The following DLG2 variants were observed in gnomAD, a reference collection of about 807,000 sequenced individuals.
DLG2 encodes the protein discs large MAGUK scaffold protein 2, also known as disks large homolog 2.
DLG2 carries 45 observed loss-of-function variants against 132.5 expected under a neutral mutation model. The observed-to-expected ratio is 0.34, with a 90% CI of 0.27 to 0.44. The LOEUF (loss-of-function observed/expected upper bound fraction) is 0.44, where lower values mean the gene tolerates loss of function less well. Ranked by LOEUF, DLG2 falls within the 20% of genes least tolerant of loss-of-function variation. The pLI, the probability that DLG2 is intolerant of heterozygous loss-of-function variation, is 1.00. For synonymous variants in DLG2, 424 were observed against 419.6 expected (o/e 1.01, Z -0.13); for missense variants, 1,045 against 1,196.9 (o/e 0.87, Z 1.87).
At chr11:84,662,096 G>C (rs574064509) in intron 6 of DLG2, among the ~76,000 whole-genome samples, 1 of 152,100 alleles carries the variant, frequency 6.6e-6, no homozygotes, top group South Asian at 2.1e-4. Context: ...GAAGTAGAGG[G>C]CCAGCTCCTC....
intron 4 of DLG2, among the ~76,000 whole-genome samples, chr11:85,184,339 G>C (rs1050340433): frequency 4.0e-5 from 6 of 150,530 alleles, no homozygotes; most frequent in African/African-American, 1.5e-4. Context: ...TTTTATAAAA[G>C]AGATTTTCCT....
At chr11:85,540,311 C>G (rs2075881100) in intron 3 of DLG2, among the ~76,000 whole-genome samples, 1 of 152,320 alleles carries the variant, frequency 6.6e-6, no homozygotes, top group South Asian at 2.1e-4. Flanking sequence ...CTAGCAGGCA[C>G]AGACACACGA....
At chr11:84,249,630 G>C (rs2154349426) in intron 8 of DLG2, among the ~76,000 whole-genome samples, 1 of 152,338 alleles carries the variant, frequency 6.6e-6, no homozygotes, top group East Asian at 1.9e-4. Flanking sequence ...GCCTACAGCA[G>C]TGTTAGGCAT....
intron 15 of DLG2, among the ~76,000 whole-genome samples, chr11:83,879,682 G>T (rs2065667504): frequency 1.3e-5 from 2 of 152,104 alleles, no homozygotes; most frequent in East Asian, 3.9e-4. Flanking sequence ...CACTTAACAT[G>T]AAGTGTCTTG....
chr11:84,094,743 G>T (rs1355439753), intron 10 of DLG2, among the ~76,000 whole-genome samples: 1 of 152,080 alleles, frequency 6.6e-6, no homozygotes, highest in Non-Finnish European at 1.5e-5. Flanking sequence ...TCTCTCAAAG[G>T]CCCCACCTCC....
At chr11:85,178,239 C>T (rs986913609) in intron 4 of DLG2, among the ~76,000 whole-genome samples, 1 of 151,884 alleles carries the variant, frequency 6.6e-6, no homozygotes, top group African/African-American at 2.4e-5. Flanking sequence ...TTAGAAAATA[C>T]ACAGTGAAGT....
At chr11:84,329,381 G>T (rs1487269163) in intron 7 of DLG2, among the ~76,000 whole-genome samples, 1 of 152,074 alleles carries the variant, frequency 6.6e-6, no homozygotes, top group South Asian at 2.1e-4. Flanking sequence ...GACCTGGTGG[G>T]GGGTAACTGA....
At chr11:84,005,412 G>C (rs1406273603) in intron 11 of DLG2, among the ~76,000 whole-genome samples, 1 of 151,816 alleles carries the variant, frequency 6.6e-6, no homozygotes, top group Non-Finnish European at 1.5e-5. Context: ...AAAACAAAGG[G>C]AAAACACTTC....
intron 6 of DLG2, among the ~76,000 whole-genome samples, chr11:84,828,174 G>T (rs952679267): frequency 6.6e-6 from 1 of 151,752 alleles, no homozygotes; most frequent in Non-Finnish European, 1.5e-5. Flanking sequence ...GGGCAGGAGA[G>T]AAAGAAAGCA....
chr11:84,966,305 A>G (rs1466505191), intron 6 of DLG2, among the ~76,000 whole-genome samples: 1 of 152,082 alleles, frequency 6.6e-6, no homozygotes. Flanking sequence ...AAATGAAGCC[A>G]TTCTGATTGC....
chr11:84,671,121 G>A (rs2099705444), intron 6 of DLG2, among the ~76,000 whole-genome samples: 1 of 148,706 alleles, frequency 6.7e-6, no homozygotes, highest in African/African-American at 2.5e-5. Flanking sequence ...TTGAGACAAA[G>A]TCTCACTCTG....
chr11:84,620,510 T>C (rs1162812443), intron 6 of DLG2, among the ~76,000 whole-genome samples: 2 of 151,974 alleles, frequency 1.3e-5, no homozygotes, highest in East Asian at 1.9e-4. Context: ...CCAGAAGATA[T>C]AAAGAACTCT....
At chr11:85,399,315 T>A (rs1454834760) in intron 3 of DLG2, among the ~76,000 whole-genome samples, 2 of 152,190 alleles carry the variant, frequency 1.3e-5, no homozygotes, top group Non-Finnish European at 2.9e-5. Flanking sequence ...TCCATGCTCA[T>A]GGGTAGGAAG....
chr11:84,958,255 C>T (rs2051995110), intron 6 of DLG2, among the ~76,000 whole-genome samples: 1 of 152,058 alleles, frequency 6.6e-6, no homozygotes, highest in South Asian at 2.1e-4. Context: ...GTTCTCTATT[C>T]CCAAGCCCAA....
At chr11:85,222,591 A>G (rs1413362226) in intron 4 of DLG2, among the ~76,000 whole-genome samples, 1 of 152,168 alleles carries the variant, frequency 6.6e-6, no homozygotes, top group Non-Finnish European at 1.5e-5. Context: ...TGAGTCCCCA[A>G]AGAGGTTAAT....
rs78579072 is a variant in DLG2, at chr11:83,944,972, T to C, written c.1341-14489A>G. ...AAAATCTGGAATTGGGTTTTTTAGATGGTGAAGTAGAGGAGGGAAATGGTT... is the reference window on the plus strand; with the variant it reads ...AAAATCTGGAATTGGGTTTTTTAGACGGTGAAGTAGAGGAGGGAAATGGTT... On this transcript the variant is annotated intron_variant, in intron 14 of 27. Coordinates refer to ENST00000376104, the MANE Select transcript of DLG2 (RefSeq NM_001142699.3). Among the ~76,000 whole-genome samples the C allele has an allele frequency of 8.4e-3, 1,282 of 152,328 alleles. 9 individuals are homozygous for C. The highest frequency in any genetic ancestry group is 0.013 in the Non-Finnish European group (906 of 68,024).
chr11:85,389,833 G>A (rs1042342916), intron 3 of DLG2, among the ~76,000 whole-genome samples: 1 of 152,066 alleles, frequency 6.6e-6, no homozygotes, highest in African/African-American at 2.4e-5. Context: ...CCACTACCAA[G>A]CCAGCACTAT....
intron 7 of DLG2, among the ~76,000 whole-genome samples, chr11:84,503,010 C>A (rs2099226097): frequency 6.6e-6 from 1 of 152,070 alleles, no homozygotes; most frequent in Non-Finnish European, 1.5e-5. Flanking sequence ...ACTGACTATG[C>A]TAAGTGGGAC....
At chr11:85,603,528 T>TC (rs1780368928) in intron 2 of DLG2, among the ~76,000 whole-genome samples, 1 of 151,618 alleles carries the variant, frequency 6.6e-6, no homozygotes, top group South Asian at 2.1e-4. Context: ...CTTTTCTCTC[T>TC]CTTTTTTTTT....
Sources: allele counts gnomAD v4.1 joint callset (sites outside exome capture counted in the v4.1 genomes callset), GRCh38; gene constraint gnomAD v4.1.1; transcripts MANE v1.5; gene names NCBI Gene and HGNC (gene_info 2026-07-23, HGNC 2026-07-21).